Variants in PPP1R16B observed in about 807,000 individuals in gnomAD.
PPP1R16B encodes the protein protein phosphatase 1 regulatory subunit 16B.
In PPP1R16B, 14 loss-of-function variants were observed where a neutral mutation model predicts 61.7. The observed-to-expected ratio is 0.23, with a 90% CI of 0.15 to 0.35. PPP1R16B has a LOEUF of 0.35. Ranked by LOEUF, PPP1R16B falls within the 10% of genes least tolerant of loss-of-function variation. PPP1R16B has a pLI of 1.00. For missense variants in PPP1R16B, 547 were observed against 752.5 expected (o/e 0.73, Z 3.19); for synonymous variants, 266 against 305.3 (o/e 0.87, Z 1.34).
intron 1 of PPP1R16B, among the ~76,000 whole-genome samples, chr20:38,832,912 CAAA>C (rs557919611): frequency 2.9e-5 from 2 of 68,282 alleles, no homozygotes; most frequent in Admixed American, 3.5e-4. Flanking sequence ...AGCGAGATCT[CAAA>C]AAAAAAAAAA....
In PPP1R16B at chr20:38,866,053, A is replaced by G. The variant is rs62201360; in HGVS notation, c.251-23542A>G. Among the ~76,000 whole-genome samples the G allele has an allele frequency of 6.1e-3, 921 of 152,062 alleles. 4 individuals are homozygous for G. Among genetic ancestry groups the G allele is most frequent in the African/African-American group, 0.021 (871 of 41,490 alleles). Reference sequence around the variant, plus strand: ...GCAGGAGAATTGCTTGAACCCTGGAAGGAGAGGTTGCAGTAAGGTGAGATC... The same window carrying G: ...GCAGGAGAATTGCTTGAACCCTGGAGGGAGAGGTTGCAGTAAGGTGAGATC... On this transcript the variant is annotated intron_variant, in intron 2 of 10. Transcript: ENST00000299824.
At chr20:38,882,857 G>A (rs757967841) in intron 2 of PPP1R16B, among the ~76,000 whole-genome samples, 27 of 152,300 alleles carry the variant, frequency 1.8e-4, no homozygotes, top group Non-Finnish European at 3.2e-4. Context: ...AAGAAAGAAG[G>A]CTCCGGGCAT....
intron 1 of PPP1R16B, among the ~76,000 whole-genome samples, chr20:38,809,052 A>AAAGG (rs374264019): frequency 9.1e-5 from 1 of 10,988 alleles, no homozygotes; most frequent in Non-Finnish European, 1.8e-4. Context: ...AAGAAAAAAA[A>AAAGG]AAGTGCTCAG....
Position 38,864,745 on chromosome 20 carries a change from G to C in PPP1R16B, c.251-24850G>C, listed in dbSNP as rs188623040. 2.5e-3 allele frequency among the ~76,000 whole-genome samples: 377 copies of C among 152,320 alleles called. 4 individuals are homozygous for C. Among genetic ancestry groups the C allele is most frequent in the Middle Eastern group, 6.8e-3 (2 of 294 alleles). ...CTCACAGAGGGATCTGCCAGGACTTGGGTGCACAGGGTGTAGGGCCTAGGT... is the reference window on the plus strand; with the variant it reads ...CTCACAGAGGGATCTGCCAGGACTTCGGTGCACAGGGTGTAGGGCCTAGGT... On this transcript the variant is annotated intron_variant, in intron 2 of 10. Coordinates refer to ENST00000299824, the MANE Select transcript of PPP1R16B (RefSeq NM_015568.4).
intron 1 of PPP1R16B, among the ~76,000 whole-genome samples, chr20:38,810,613 G>A (rs907087352): frequency 3.4e-4 from 52 of 152,214 alleles, no homozygotes; most frequent in Admixed American, 3.2e-3. Flanking sequence ...CCTGAGAGAA[G>A]AGGGTAGAAG....
chr20:38,920,327 C>T lies in PPP1R16B; in HGVS notation c.*1661C>T, dbSNP rs912151624. On this transcript the variant is annotated 3_prime_UTR_variant, in exon 11 of 11. Coordinates refer to ENST00000299824, the MANE Select transcript of PPP1R16B (RefSeq NM_015568.4). ...TTGTCCTTAAACTACCTCCTTAGAG[C>T]TCTGAAGGGGTCTCCTAGTTCCAGA... 2 of 152,732 alleles carry T rather than the reference C, an allele frequency of 1.3e-5. No individual in the cohort carries two copies. Among genetic ancestry groups the T allele is most frequent in the African/African-American group, 4.8e-5 (2 of 41,462 alleles). The allele number at this position is 152,732 out of a possible 1,614,324, so 9.5% of individuals were successfully genotyped here.
Position 38,875,970 on chromosome 20 carries a change from C to CTTT in PPP1R16B, c.251-13607_251-13605dup, listed in dbSNP as rs34445273. Among the ~76,000 whole-genome samples the CTTT allele has an allele frequency of 2.8e-3, 290 of 104,148 alleles. 11 individuals are homozygous for CTTT. The highest frequency in any genetic ancestry group is 3.5e-3 in the Admixed American group (33 of 9,418). The allele number at this position is 104,148 out of a possible 152,430, so 68.3% of individuals were successfully genotyped here. A position where few individuals can be genotyped will look rare whatever the true frequency, so the allele number is the denominator to read the frequency against. On this transcript the variant is annotated intron_variant, in intron 2 of 10. Coordinates refer to ENST00000299824, the MANE Select transcript of PPP1R16B (RefSeq NM_015568.4). ...GGTGAAATGAGACTGTGGTTTTGAA[C>CTTT]TTTTTTTTTTTTTTTTTTTTGAGAT...
intron 2 of PPP1R16B, among the ~76,000 whole-genome samples, chr20:38,886,818 G>A (rs1379033722): frequency 1.3e-5 from 2 of 152,248 alleles, no homozygotes; most frequent in African/African-American, 4.8e-5. Context: ...TCCTAGAGGA[G>A]TTCTTGAGGA....
chr20:38,818,518 A>C (rs1291736905), intron 1 of PPP1R16B, among the ~76,000 whole-genome samples: 1 of 152,190 alleles, frequency 6.6e-6, no homozygotes, highest in East Asian at 1.9e-4. Flanking sequence ...CTCCAAGGGA[A>C]ATACAGGATC....
chr20:38,835,688 A>G, intron 1 of PPP1R16B, 137 bp from the exon 2 acceptor site: 1 of 513,932 alleles, frequency 1.9e-6, no homozygotes, highest in South Asian at 4.0e-5. Context: ...GGGCCACTGT[A>G]AGGATTTGCA....
At chr20:38,860,581 C>T (rs1406887250) in intron 2 of PPP1R16B, among the ~76,000 whole-genome samples, 1 of 152,156 alleles carries the variant, frequency 6.6e-6, no homozygotes, top group Non-Finnish European at 1.5e-5. Flanking sequence ...ATCTGCAGGC[C>T]AGATCTGGAA....
intron 2 of PPP1R16B, among the ~76,000 whole-genome samples, chr20:38,867,619 A>C (rs1162694945): frequency 6.6e-6 from 1 of 152,196 alleles, no homozygotes; most frequent in African/African-American, 2.4e-5. Context: ...TTAGTTGTCC[A>C]AAATGTGTTA....
chr20:38,807,166 G>T (rs935754018), intron 1 of PPP1R16B, among the ~76,000 whole-genome samples: 2 of 152,174 alleles, frequency 1.3e-5, no homozygotes, highest in African/African-American at 4.8e-5. Flanking sequence ...TGTGTACCCT[G>T]CCATTTCCTG....
At chr20:38,841,006 A>G (rs1465956654) in intron 2 of PPP1R16B, among the ~76,000 whole-genome samples, 1 of 152,046 alleles carries the variant, frequency 6.6e-6, no homozygotes, top group Non-Finnish European at 1.5e-5. Flanking sequence ...GATTGTCATC[A>G]TTGTTATTAT....
intron 2 of PPP1R16B, among the ~76,000 whole-genome samples, chr20:38,885,934 C>A (rs183911341): frequency 1.3e-5 from 2 of 152,252 alleles, no homozygotes; most frequent in Non-Finnish European, 2.9e-5. Context: ...CGCCACCACG[C>A]CCAGCTGATT....
At chr20:38,910,980 C>T (rs1010598807) in intron 10 of PPP1R16B, among the ~76,000 whole-genome samples, 3 of 151,570 alleles carry the variant, frequency 2.0e-5, no homozygotes, top group African/African-American at 7.3e-5. Context: ...GGGGACAGAG[C>T]GAGACTCCGT....
In PPP1R16B at chr20:38,920,631, C is replaced by A; in HGVS notation, c.*1965C>A. 6.5e-6 allele frequency: 1 copy of A among 152,778 alleles called. No homozygotes were observed. Among genetic ancestry groups the A allele is most frequent in the Non-Finnish European group, 1.5e-5 (1 of 68,434 alleles). The allele number at this position is 152,778 out of a possible 1,614,324, so 9.5% of individuals were successfully genotyped here. A position where few individuals can be genotyped will look rare whatever the true frequency, so the allele number is the denominator to read the frequency against. On this transcript the variant is annotated 3_prime_UTR_variant, in exon 11 of 11. Coordinates refer to ENST00000299824, the MANE Select transcript of PPP1R16B (RefSeq NM_015568.4). ...TGGCTGGACCAGAAAGTAGAGGGCCCATGGGAGTGACTGCACCCTTGGTGG... is the reference window on the plus strand; with the variant it reads ...TGGCTGGACCAGAAAGTAGAGGGCCAATGGGAGTGACTGCACCCTTGGTGG...
chr20:38,825,477 G>C (rs932297324), intron 1 of PPP1R16B, among the ~76,000 whole-genome samples: 2 of 152,196 alleles, frequency 1.3e-5, no homozygotes, highest in African/African-American at 2.4e-5. Context: ...ATTTGTAATA[G>C]AACAAGTACT....
At chr20:38,913,606 T>C (rs547251389) in intron 10 of PPP1R16B, among the ~76,000 whole-genome samples, 120 of 152,300 alleles carry the variant, frequency 7.9e-4, no homozygotes, top group African/African-American at 2.6e-3. Flanking sequence ...TTTGAAGTGA[T>C]TGCAGCAGTA....
Sources: gnomAD v4.1 joint callset for allele counts (sites outside exome capture counted in the v4.1 genomes callset) on GRCh38, gnomAD v4.1.1 for gene constraint, MANE v1.5 for transcripts, NCBI Gene and HGNC (gene_info 2026-07-23, HGNC 2026-07-21) for gene names.